DERA: variants seen among roughly 807,000 people sequenced by gnomAD.
DERA encodes deoxyribose-phosphate aldolase, also known as 2-deoxy-D-ribose 5-phosphate aldolase.
Under a neutral mutation model 41.1 loss-of-function variants are expected in DERA, and 15 were observed. The observed-to-expected ratio is 0.37, with a 90% CI of 0.24 to 0.56. The LOEUF (loss-of-function observed/expected upper bound fraction) is 0.56. DERA is among the 20% of genes least tolerant of loss of function. DERA has a pLI of 0.81. For synonymous variants in DERA, 139 were observed against 137.4 expected (o/e 1.01, Z -0.08); for missense variants, 396 against 403.4 (o/e 0.98, Z 0.16).
chr12:15,930,611 C>T (rs2136130038), intron 1 of DERA, among the ~76,000 whole-genome samples: 1 of 152,140 alleles, frequency 6.6e-6, no homozygotes, highest in East Asian at 1.9e-4. Context: ...CCAAAATAGA[C>T]ATTGGTTTCA....
At chr12:15,926,888 A>G (rs1275086010) in intron 1 of DERA, among the ~76,000 whole-genome samples, 4 of 152,186 alleles carry the variant, frequency 2.6e-5, no homozygotes, top group African/African-American at 9.7e-5. Flanking sequence ...GTTATATGTA[A>G]CGAATTAACT....
intron 6 of DERA, among the ~76,000 whole-genome samples, chr12:15,986,235 T>C (rs2136164739): frequency 6.6e-6 from 1 of 152,308 alleles, no homozygotes; most frequent in Non-Finnish European, 1.5e-5. Flanking sequence ...CATCTGTGGC[T>C]ATATATTTAA....
intron 6 of DERA, among the ~76,000 whole-genome samples, chr12:16,015,211 A>T (rs1282180038): frequency 6.6e-6 from 1 of 152,194 alleles, no homozygotes; most frequent in Non-Finnish European, 1.5e-5. Flanking sequence ...TGTGAGAGGG[A>T]CATGAGACTT....
At chr12:15,949,966 C>T (rs992527724) in intron 1 of DERA, among the ~76,000 whole-genome samples, 3 of 152,078 alleles carry the variant, frequency 2.0e-5, no homozygotes, top group African/African-American at 7.2e-5. Context: ...GCCTTGTCAC[C>T]CTCTCTTCCA....
At position 15,993,782 on chromosome 12, in the gene DERA, G is replaced by A. The variant is rs1257575046; in HGVS notation, c.637+11346G>A. 6.6e-6 allele frequency among the ~76,000 whole-genome samples: 1 copy of A among 151,904 alleles called. No individual in the cohort carries two copies. The highest frequency in any genetic ancestry group is 1.9e-4 in the East Asian group (1 of 5,188). On this transcript the variant is annotated intron_variant, in intron 6 of 8. Transcript: ENST00000428559. This position sits in a 1 kb window ranked among gnomAD's most constrained non-coding sequence, Gnocchi z 4.4. The stretch of plus-strand genomic sequence containing the variant: ...AAAGTTTACCCCCACCTGGCCCCTC[G>A]CTATCCTTTGTTGAGTGGAAAACAC...
intron 6 of DERA, among the ~76,000 whole-genome samples, chr12:16,031,437 TCCA>T (rs1442553746): frequency 6.6e-6 from 1 of 152,182 alleles, no homozygotes. Context: ...TGCCACAGAT[TCCA>T]TAGGTTAGGG....
chr12:15,985,327 A>T lies in DERA; in HGVS notation c.637+2891A>T, dbSNP rs1345689968. 6.6e-6 allele frequency: 1 copy of T among 152,186 alleles called. No individual in the cohort carries two copies. The highest frequency in any genetic ancestry group is 1.5e-5 in the Non-Finnish European group (1 of 68,036). 9.4% of individuals were successfully genotyped at this position (152,186 alleles called of 1,614,324 possible). On this transcript the variant is annotated intron_variant, in intron 6 of 8. Transcript: ENST00000428559. This position sits in a 1 kb window ranked among gnomAD's most constrained non-coding sequence, Gnocchi z 4.2. ...GATCTTAAGGAGTTTGCCTAGAAGT[A>T]TTTCACTGTGTAAGTATACTGAGTT... is the stretch of plus-strand genomic sequence containing the variant.
rs1279069724 is a variant in DERA, at chr12:15,982,535, C to T, written c.637+99C>T. On this transcript the variant is annotated intron_variant, in intron 6 of 8. Transcript: ENST00000428559. The surrounding 1 kb of genome is among the most constrained non-coding windows in gnomAD (Gnocchi z 4.0). ...TTTAGCTATTATTAAACGTGCTAAC[C>T]ACTTGGAATTTTTTTGCGGGAGGAA... The T allele has an allele frequency of 3.8e-6, 5 of 1,333,288 alleles. No homozygotes were observed. The highest frequency in any genetic ancestry group is 4.0e-6 in the Non-Finnish European group (4 of 989,016). 82.6% of individuals were successfully genotyped at this position (1,333,288 alleles called of 1,614,324 possible).
chr12:16,033,581 TTGTGTGTGTG>T (rs146182174), intron 7 of DERA, among the ~76,000 whole-genome samples: 446 of 127,706 alleles, frequency 3.5e-3, no homozygotes, highest in Non-Finnish European at 4.7e-3. Context: ...GAGAGCAAGG[TTGTGTGTGTG>T]TGTGTGTGTG....
chr12:15,958,514 CTTTTT>C (rs78571301), intron 3 of DERA, among the ~76,000 whole-genome samples, 179 bp downstream of exon 3: 2 of 124,108 alleles, frequency 1.6e-5, no homozygotes, highest in African/African-American at 3.0e-5. Context: ...GAATCTGAGT[CTTTTT>C]TTTTTTTTTT....
In DERA at chr12:15,995,148, G is replaced by T. The variant is rs1427350463; in HGVS notation, c.637+12712G>T. On this transcript the variant is annotated intron_variant, in intron 6 of 8. Transcript: ENST00000428559. The surrounding 1 kb of genome is among the most constrained non-coding windows in gnomAD (Gnocchi z 5.1). ...TATAAGCTGTGTTTAACTTTTGGAG[G>T]CACAGATGTTTCTAGAGGCCCTGAA... is the stretch of plus-strand genomic sequence containing the variant. 6.6e-6 allele frequency among the ~76,000 whole-genome samples: 1 copy of T among 152,150 alleles called. No individual in the cohort carries two copies. Among genetic ancestry groups the T allele is most frequent in the Non-Finnish European group, 1.5e-5 (1 of 68,030 alleles).
rs559341871 is a variant in DERA, at chr12:15,981,586, C to G, written c.509-722C>G. ...TGCTTACTAAAATCCTGCTACCTTT[C>G]ATGTAAAATGTTACCTTGAATATGA... On this transcript the variant is annotated intron_variant, in intron 5 of 8. Coordinates refer to ENST00000428559, the MANE Select transcript of DERA (RefSeq NM_015954.4). The surrounding 1 kb of genome is among the most constrained non-coding windows in gnomAD (Gnocchi z 6.1). 6.6e-6 allele frequency among the ~76,000 whole-genome samples: 1 copy of G among 152,308 alleles called. No homozygotes were observed. The highest frequency in any genetic ancestry group is 1.5e-5 in the Non-Finnish European group (1 of 68,026).
chr12:15,956,592 G>T (rs955948239), intron 1 of DERA: 104 of 374,776 alleles, frequency 2.8e-4, no homozygotes, highest in South Asian at 1.9e-3. Context: ...GCTCTCAGAG[G>T]TGAGGTACGT....
chr12:15,948,616 G>C (rs550927654), intron 1 of DERA, among the ~76,000 whole-genome samples: 7 of 152,136 alleles, frequency 4.6e-5, no homozygotes, highest in African/African-American at 4.8e-5. Flanking sequence ...TTTTTTTGAA[G>C]GTTTTTATCT....
Position 15,967,925 on chromosome 12 carries a change from C to A in DERA, c.508+4978C>A, listed in dbSNP as rs1948634311. On this transcript the variant is annotated intron_variant, in intron 5 of 8. Transcript: ENST00000428559. This position sits in a 1 kb window ranked among gnomAD's most constrained non-coding sequence, Gnocchi z 4.9. Reference sequence around the variant, plus strand: ...CCAGCTGCTTTCCTGACAGGATTAGCATATCCCCCTGGGCATTTGTGATAA... The same window carrying A: ...CCAGCTGCTTTCCTGACAGGATTAGAATATCCCCCTGGGCATTTGTGATAA... Among the ~76,000 whole-genome samples, 1 of 152,170 alleles carries A rather than the reference C, an allele frequency of 6.6e-6. No individual in the cohort carries two copies. Among genetic ancestry groups the A allele is most frequent in the African/African-American group, 2.4e-5 (1 of 41,438 alleles).
intron 1 of DERA, among the ~76,000 whole-genome samples, chr12:15,947,384 G>A (rs987841034): frequency 3.3e-5 from 5 of 152,106 alleles, no homozygotes; most frequent in Admixed American, 3.3e-4. Flanking sequence ...TATGAATCTG[G>A]GTGCTCCTGT....
In DERA at chr12:16,008,286, T is replaced by C. The variant is rs371288012; in HGVS notation, c.638-24256T>C. Among the ~76,000 whole-genome samples the C allele has an allele frequency of 1.3e-5, 2 of 152,390 alleles. No homozygotes were observed. Among genetic ancestry groups the C allele is most frequent in the East Asian group, 3.9e-4 (2 of 5,190 alleles). On this transcript the variant is annotated intron_variant, in intron 6 of 8. Coordinates refer to ENST00000428559, the MANE Select transcript of DERA (RefSeq NM_015954.4). This position sits in a 1 kb window ranked among gnomAD's most constrained non-coding sequence, Gnocchi z 4.8. Reference sequence around the variant, plus strand: ...CTACTACTCCGTGGCTTCTCACTTTTAGCTTTTCCTAATATTTCCTAATAG... The same window carrying C: ...CTACTACTCCGTGGCTTCTCACTTTCAGCTTTTCCTAATATTTCCTAATAG...
At position 15,941,867 on chromosome 12, in the gene DERA, CTT is replaced by C. The variant is rs1322299877; in HGVS notation, c.32-15066_32-15065del. ...TGTTGTCTTTTTCATATAATGACTT[CTT>C]TTCCTTTGGGAAGATACCTAATAGT... On this transcript the variant is annotated intron_variant, in intron 1 of 8. Coordinates refer to ENST00000428559, the MANE Select transcript of DERA (RefSeq NM_015954.4). The surrounding 1 kb of genome is among the most constrained non-coding windows in gnomAD (Gnocchi z 4.5). Among the ~76,000 whole-genome samples the C allele has an allele frequency of 6.6e-6, 1 of 152,154 alleles. No individual in the cohort carries two copies. The highest frequency in any genetic ancestry group is 1.9e-4 in the East Asian group (1 of 5,190).
chr12:15,956,600 C>T (rs968842992), intron 1 of DERA: 5 of 380,988 alleles, frequency 1.3e-5, no homozygotes, highest in African/African-American at 4.2e-5. Context: ...AGGTGAGGTA[C>T]GTGGCATGGG....
Sources: allele counts gnomAD v4.1 joint callset (sites outside exome capture counted in the v4.1 genomes callset), GRCh38; gene constraint gnomAD v4.1.1; non-coding constraint Gnocchi (gnomAD v3.1); transcripts MANE v1.5; gene names NCBI Gene and HGNC (gene_info 2026-07-23, HGNC 2026-07-21).